The following FHOD3 variants were observed in gnomAD, a reference collection of about 807,000 sequenced individuals.
FHOD3 encodes the protein formin homology 2 domain containing 3, also known as FH1/FH2 domain-containing protein 3.
Under a neutral mutation model 173.0 loss-of-function variants are expected in FHOD3, and 90 were observed. The observed-to-expected ratio is 0.52, with a 90% confidence interval of 0.44 to 0.62. The LOEUF (loss-of-function observed/expected upper bound fraction) is 0.62. Among genes scored for constraint, FHOD3 ranks in the 20% least tolerant of loss-of-function variants. The pLI is 0.00. For synonymous variants in FHOD3, 828 were observed against 823.0 expected (o/e 1.01, Z -0.10); for missense variants, 1,945 against 2,034.7 (o/e 0.96, Z 0.85).
intron 3 of FHOD3, among the ~76,000 whole-genome samples, chr18:36,388,555 A>G (rs2048138220): frequency 6.6e-6 from 1 of 152,054 alleles, no homozygotes; most frequent in Non-Finnish European, 1.5e-5. Context: ...TTCTTTTATA[A>G]TGGTTTCCTC....
chr18:36,656,815 A>G (rs1323919893), intron 13 of FHOD3, among the ~76,000 whole-genome samples: 1 of 152,334 alleles, frequency 6.6e-6, no homozygotes, highest in Non-Finnish European at 1.5e-5. Flanking sequence ...CAAATAATAT[A>G]TCATACTTTC....
intron 5 of FHOD3, among the ~76,000 whole-genome samples, chr18:36,553,823 G>T (rs1028568381): frequency 6.6e-6 from 1 of 152,102 alleles, no homozygotes; most frequent in East Asian, 1.9e-4. Context: ...AAAAGTGGGC[G>T]AAGGATATGA....
chr18:36,511,773 T>G (rs193167975), intron 4 of FHOD3, among the ~76,000 whole-genome samples: 22 of 152,256 alleles, frequency 1.4e-4, no homozygotes, highest in Non-Finnish European at 2.8e-4. Flanking sequence ...AACCACCGGA[T>G]GAGATGACCC....
intron 3 of FHOD3, among the ~76,000 whole-genome samples, chr18:36,428,590 G>A (rs9959734): frequency 0.036 from 5,492 of 151,372 alleles, 338 homozygotes; most frequent in African/African-American, 0.13. Flanking sequence ...TGAGAGCCAG[G>A]CATCTGTGTC....
chr18:36,731,322 G>A (rs2041348349), intron 20 of FHOD3, among the ~76,000 whole-genome samples: 1 of 152,212 alleles, frequency 6.6e-6, no homozygotes, highest in Admixed American at 6.5e-5. Context: ...TGGCATGGCT[G>A]TGACCGCACA....
At chr18:36,399,407 C>T (rs1199369066) in intron 3 of FHOD3, among the ~76,000 whole-genome samples, 1 of 152,226 alleles carries the variant, frequency 6.6e-6, no homozygotes, top group South Asian at 2.1e-4. Context: ...TTTGAGTTTT[C>T]TGATGTGGAT....
chr18:36,376,455 T>C (rs1406271393), intron 3 of FHOD3, among the ~76,000 whole-genome samples: 1 of 152,220 alleles, frequency 6.6e-6, no homozygotes, highest in Non-Finnish European at 1.5e-5. Context: ...GATTCCAAAA[T>C]ATCATTTATG....
At chr18:36,723,400 G>A (rs150183160) in intron 19 of FHOD3, among the ~76,000 whole-genome samples, 96 of 152,044 alleles carry the variant, frequency 6.3e-4, no homozygotes, top group Non-Finnish European at 1.0e-3. Flanking sequence ...GATGGGGGGC[G>A]GTTTGCCTTA....
At chr18:36,546,894 C>T (rs960021816) in intron 5 of FHOD3, among the ~76,000 whole-genome samples, 1 of 152,142 alleles carries the variant, frequency 6.6e-6, no homozygotes, top group African/African-American at 2.4e-5. Context: ...ATTCTTTTTC[C>T]ATTTATGGGG....
chr18:36,525,623 T>A (rs1301685613), intron 5 of FHOD3, among the ~76,000 whole-genome samples: 1 of 152,242 alleles, frequency 6.6e-6, no homozygotes, highest in African/African-American at 2.4e-5. Context: ...TGGTACAGAA[T>A]ACTCTGACCT....
intron 17 of FHOD3, among the ~76,000 whole-genome samples, chr18:36,708,070 A>G (rs1219910874): frequency 6.6e-6 from 1 of 152,110 alleles, no homozygotes; most frequent in African/African-American, 2.4e-5. Flanking sequence ...GCTCAGAAAA[A>G]ATAAATAAAT....
At chr18:36,653,312 A>G in intron 12 of FHOD3, 30 bp from the exon 13 acceptor site, 7 of 1,501,860 alleles carry the variant, frequency 4.7e-6, no homozygotes, top group Non-Finnish European at 6.2e-6. Context: ...TCCGTGCCAC[A>G]TTGTGAGCGG....
At chr18:36,430,467 C>T (rs922541058) in intron 3 of FHOD3, among the ~76,000 whole-genome samples, 4 of 152,282 alleles carry the variant, frequency 2.6e-5, no homozygotes, top group South Asian at 2.1e-4. Context: ...CCGCCTGCCT[C>T]GGCCTCCCAA....
At chr18:36,555,807 C>A (rs1265503314) in intron 5 of FHOD3, among the ~76,000 whole-genome samples, 1 of 152,162 alleles carries the variant, frequency 6.6e-6, no homozygotes. Context: ...TCATCTCTGG[C>A]AATATTCATG....
intron 3 of FHOD3, among the ~76,000 whole-genome samples, chr18:36,433,433 C>A (rs949281438): frequency 6.6e-6 from 1 of 152,142 alleles, no homozygotes; most frequent in African/African-American, 2.4e-5. Context: ...CACCAAACTC[C>A]CTGTGTGGAA....
chr18:36,734,388 C>T (rs113328058), intron 20 of FHOD3, among the ~76,000 whole-genome samples: 1 of 152,128 alleles, frequency 6.6e-6, no homozygotes, highest in Non-Finnish European at 1.5e-5. Context: ...ACCCTCCCCC[C>T]ACAACCAAAA....
At chr18:36,318,586 G>A (rs2044245056) in intron 1 of FHOD3, among the ~76,000 whole-genome samples, 1 of 152,194 alleles carries the variant, frequency 6.6e-6, no homozygotes, top group Non-Finnish European at 1.5e-5. Flanking sequence ...TGTATCCTGA[G>A]ACTTTGCTGA....
intron 1 of FHOD3, among the ~76,000 whole-genome samples, chr18:36,352,009 A>G (rs1382884741): frequency 6.6e-6 from 1 of 151,772 alleles, no homozygotes; most frequent in Non-Finnish European, 1.5e-5. Flanking sequence ...AGGTACCTCA[A>G]CTGAATGGCC....
At chr18:36,667,192 C>G (rs757934060) in intron 14 of FHOD3, among the ~76,000 whole-genome samples, 1 of 152,114 alleles carries the variant, frequency 6.6e-6, no homozygotes, top group Non-Finnish European at 1.5e-5. Context: ...TGTACATGTG[C>G]TTTCATTTCT....
Sources: gnomAD v4.1 joint callset for allele counts (sites outside exome capture counted in the v4.1 genomes callset) on GRCh38, gnomAD v4.1.1 for gene constraint, MANE v1.5 for transcripts, NCBI Gene and HGNC (gene_info 2026-07-23, HGNC 2026-07-21) for gene names.